The following EYA3 variants were observed in gnomAD, a reference collection of about 807,000 sequenced individuals.
EYA3 encodes the protein EYA transcriptional coactivator and phosphatase 3, also known as protein phosphatase EYA3.
EYA3 carries 39 observed loss-of-function variants against 80.0 expected under a neutral mutation model. The ratio of observed to expected loss-of-function variants is 0.49; its 90% CI spans 0.38 to 0.64. The LOEUF (loss-of-function observed/expected upper bound fraction) is 0.64, where lower values mean the gene tolerates loss of function less well. Among genes scored for constraint, EYA3 ranks in the 30% least tolerant of loss-of-function variants. The pLI, the probability that EYA3 is intolerant of heterozygous loss-of-function variation, is 0.00. For synonymous variants in EYA3, 206 were observed against 232.8 expected (o/e 0.88, Z 1.05); for missense variants, 523 against 676.1 (o/e 0.77, Z 2.51).
intron 1 of EYA3, among the ~76,000 whole-genome samples, chr1:28,064,543 C>T (rs1221897411): frequency 6.6e-6 from 1 of 151,608 alleles, no homozygotes; most frequent in African/African-American, 2.4e-5. Flanking sequence ...ACAACAGAGG[C>T]CATTTAAGGA....
chr1:28,036,644 G>A (rs1643469967), intron 5 of EYA3, among the ~76,000 whole-genome samples: 1 of 152,114 alleles, frequency 6.6e-6, no homozygotes, highest in South Asian at 2.1e-4. Context: ...CACCATATCA[G>A]GGATAGCTAG....
At chr1:28,010,862 T>C (rs1054588219) in intron 10 of EYA3, 85 bp downstream of exon 10, 3 of 1,504,408 alleles carry the variant, frequency 2.0e-6, no homozygotes, top group African/African-American at 1.4e-5. Flanking sequence ...GTGCACATTA[T>C]CTCTGTGAGC....
At position 28,013,583 on chromosome 1, in the gene EYA3, C is replaced by T. The variant is rs1017625060; in HGVS notation, c.586-289G>A. On this transcript the variant is annotated intron_variant, in intron 8 of 17. Transcript: ENST00000373871. The surrounding 1 kb of genome is among the most constrained non-coding windows in gnomAD (Gnocchi z 4.0). ...CATACACATGGTGTCCCTTTTTGTA[C>T]TCTAACAGCCTCTTCCCCCAGTTTT... 2.0e-5 allele frequency among the ~76,000 whole-genome samples: 3 copies of T among 152,100 alleles called. No individual in the cohort carries two copies. Among genetic ancestry groups the T allele is most frequent in the African/African-American group, 4.8e-5 (2 of 41,414 alleles).
chr1:28,029,892 GCC>G (rs1643026998), intron 6 of EYA3, among the ~76,000 whole-genome samples: 1 of 152,046 alleles, frequency 6.6e-6, no homozygotes, highest in South Asian at 2.1e-4. Context: ...ACCATGCCAG[GCC>G]CCAAAAATCT....
At chr1:28,073,127 A>ATATATATATATATTTT (rs1553157671) in intron 1 of EYA3, among the ~76,000 whole-genome samples, 7 of 14,998 alleles carry the variant, frequency 4.7e-4, no homozygotes, top group Non-Finnish European at 5.6e-4. Context: ...ATATATATAT[A>ATATATATATATATTTT]TTTTTTTTTT....
intron 11 of EYA3, among the ~76,000 whole-genome samples, chr1:28,003,121 T>A (rs1468594334): frequency 3.0e-4 from 41 of 136,326 alleles, no homozygotes; most frequent in Non-Finnish European, 4.7e-4. Flanking sequence ...AAAAAAAAAA[T>A]TAGCTGGGCG....
intron 6 of EYA3, among the ~76,000 whole-genome samples, chr1:28,029,719 C>T (rs1005430166): frequency 3.3e-5 from 5 of 151,964 alleles, no homozygotes; most frequent in African/African-American, 1.2e-4. Context: ...CCTCAGCCTC[C>T]CTAGTAGCTG....
At chr1:28,084,583 ATATATATATATATTTTTTTTTTTTT>A (rs1645566377) in intron 1 of EYA3, among the ~76,000 whole-genome samples, 3 of 17,290 alleles carry the variant, frequency 1.7e-4, no homozygotes, top group African/African-American at 7.6e-4. Context: ...ATATATATAT[ATATATATATATATTTTTTTTTTTTT>A]TTTTTTTTTT....
At chr1:27,982,297 C>T (rs965768688) in intron 16 of EYA3, among the ~76,000 whole-genome samples, 26 of 152,012 alleles carry the variant, frequency 1.7e-4, no homozygotes, top group African/African-American at 6.0e-4. Context: ...GGCTCCTGGC[C>T]ACACCTGGCT....
chr1:27,993,565 A>C lies in EYA3; in HGVS notation c.1143-5T>G, dbSNP rs777484683. 3.8e-6 allele frequency: 6 copies of C among 1,568,940 alleles called. No homozygotes were observed. In the South Asian group the frequency reaches 7.2e-5, roughly 19 times the overall value. ...TCTGTTGAGAAACTGTAGTTGCTGC[A>C]AGGAGAGAAGATAATAAAAATTAAA... is the stretch of plus-strand genomic sequence containing the variant. On this transcript the variant is annotated splice_region_variant and splice_polypyrimidine_tract_variant and intron_variant, in intron 13 of 17. Coordinates refer to ENST00000373871, the MANE Select transcript of EYA3 (RefSeq NM_001990.4).
chr1:27,979,245 A>G (rs963479881), intron 16 of EYA3, among the ~76,000 whole-genome samples: 1 of 152,204 alleles, frequency 6.6e-6, no homozygotes, highest in Non-Finnish European at 1.5e-5. Context: ...GTTAGAAACA[A>G]TAACAAACAA....
At chr1:28,039,418 A>G (rs1643647833) in intron 4 of EYA3, among the ~76,000 whole-genome samples, 1 of 152,204 alleles carries the variant, frequency 6.6e-6, no homozygotes, top group South Asian at 2.1e-4. Flanking sequence ...AGATGCAAGT[A>G]TGCTTCTATA....
chr1:28,025,743 C>G (rs1447495880), intron 7 of EYA3, among the ~76,000 whole-genome samples: 1 of 152,064 alleles, frequency 6.6e-6, no homozygotes, highest in Non-Finnish European at 1.5e-5. Flanking sequence ...ATTTTCATGA[C>G]TCTTCCATTT....
intron 1 of EYA3, among the ~76,000 whole-genome samples, chr1:28,084,132 T>A (rs527412001): frequency 1.3e-5 from 2 of 152,144 alleles, no homozygotes; most frequent in Non-Finnish European, 2.9e-5. Context: ...AACTACACAT[T>A]CCTTTTCTGA....
intron 9 of EYA3, among the ~76,000 whole-genome samples, chr1:28,012,803 C>A (rs894412995): frequency 6.6e-6 from 1 of 152,208 alleles, no homozygotes; most frequent in Non-Finnish European, 1.5e-5. Context: ...AGTCCTCCAA[C>A]TTTTACAAAA....
At chr1:28,077,328 A>C (rs2148946144) in intron 1 of EYA3, among the ~76,000 whole-genome samples, 1 of 151,678 alleles carries the variant, frequency 6.6e-6, no homozygotes, top group East Asian at 1.9e-4. Flanking sequence ...CTGGCCTCGA[A>C]CTCCTGACCT....
At chr1:28,029,231 C>G (rs573847926) in intron 6 of EYA3, among the ~76,000 whole-genome samples, 4 of 152,248 alleles carry the variant, frequency 2.6e-5, no homozygotes, top group Admixed American at 6.5e-5. Context: ...GGAAATAGCA[C>G]ACATACCTTT....
At chr1:28,015,074 A>G (rs1221576026) in intron 8 of EYA3, among the ~76,000 whole-genome samples, 1 of 152,256 alleles carries the variant, frequency 6.6e-6, no homozygotes, top group African/African-American at 2.4e-5. Flanking sequence ...AATAAGTCAC[A>G]CTAGCAGAAC....
intron 13 of EYA3, 73 bp from the exon 14 acceptor site, chr1:27,993,633 G>A: frequency 7.4e-7 from 1 of 1,343,750 alleles, no homozygotes; most frequent in Non-Finnish European, 9.8e-7. Context: ...TATTTGGTTG[G>A]GTTCTTGGTA....
Sources: gnomAD v4.1 joint callset for allele counts (sites outside exome capture counted in the v4.1 genomes callset) on GRCh38, gnomAD v4.1.1 for gene constraint, Gnocchi (gnomAD v3.1) non-coding constraint, MANE v1.5 for transcripts, NCBI Gene and HGNC (gene_info 2026-07-23, HGNC 2026-07-21) for gene names.